Variants in AKAP14 observed in about 807,000 individuals in gnomAD.
The protein encoded by AKAP14 is A-kinase anchoring protein 14.
A neutral mutation model predicts 17.0 loss-of-function variants in AKAP14; 4 were observed. The observed-to-expected ratio is 0.23, with a 90% CI of 0.12 to 0.54. The LOEUF (loss-of-function observed/expected upper bound fraction) is 0.54, where lower values mean the gene tolerates loss of function less well. Among genes scored for constraint, AKAP14 ranks in the 20% least tolerant of loss-of-function variants. The pLI, the probability that AKAP14 is intolerant of heterozygous loss-of-function variation, is 0.95. For synonymous variants in AKAP14, 42 were observed against 51.3 expected, an observed-to-expected ratio of 0.82 and a Z score of 0.77; for missense variants, 129 against 150.9, an observed-to-expected ratio of 0.85 and a Z score of 0.76.
chrX:119,895,995 T>C lies in AKAP14; in HGVS notation c.-124+8T>C, dbSNP rs1021032242. The C allele has an allele frequency of 1.8e-5, 2 of 111,446 alleles. No homozygotes were observed. The highest frequency in any genetic ancestry group is 6.5e-5 in the African/African-American group (2 of 30,687). 9.2% of individuals were successfully genotyped at this position (111,446 alleles called of 1,213,427 possible). On this transcript the variant is annotated splice_region_variant and intron_variant, in intron 1 of 6. Transcript: ENST00000371431. ...CGGCTGAAGAGAAGCTAGGTATAGC[T>C]ACTACAGTTTGGTCCTATTATTGCG...
chrX:119,901,887 C>A (rs182767315), intron 2 of AKAP14, among the ~76,000 whole-genome samples: 1 of 102,146 alleles, frequency 9.8e-6, no homozygotes, highest in South Asian at 4.6e-4. Context: ...CGCATGCCTC[C>A]AATCCCAGCT....
At chrX:119,897,397 G>T (rs1223978660) in intron 2 of AKAP14, among the ~76,000 whole-genome samples, 1 of 101,626 alleles carries the variant, frequency 9.8e-6, no homozygotes, top group Non-Finnish European at 2.0e-5. Context: ...CTGACCTCGT[G>T]ATCCGCCCGC....
intron 5 of AKAP14, among the ~76,000 whole-genome samples, chrX:119,918,377 A>C (rs1469190570): frequency 9.0e-6 from 1 of 111,458 alleles, no homozygotes; most frequent in Non-Finnish European, 1.9e-5. Flanking sequence ...GATTACAGGC[A>C]CATGCCACCA....
At position 119,905,487 on chromosome X, in the gene AKAP14, C is replaced by A. The variant is rs1373867835; in HGVS notation, c.261+1901C>A. Among the ~76,000 whole-genome samples, 14 of 112,343 alleles carry A rather than the reference C, an allele frequency of 1.2e-4. No individual in the cohort carries two copies. The Admixed American group carries it at 1.3e-3, about 11-fold the overall frequency. ...AGTAGGAAAAATTTCCCTTGCAAAT[C>A]CCACTGGTCATTCTGAGTAAAAGGC... On this transcript the variant is annotated intron_variant, in intron 4 of 6. Coordinates refer to ENST00000371431, the MANE Select transcript of AKAP14 (RefSeq NM_178813.6).
At chrX:119,909,536 A>T (rs1210825310) in intron 4 of AKAP14, among the ~76,000 whole-genome samples, 1 of 48,662 alleles carries the variant, frequency 2.1e-5, no homozygotes, top group Non-Finnish European at 3.6e-5. Flanking sequence ...TCAAAAACAT[A>T]AAAAAAAAAA....
chrX:119,913,452 A>G (rs2056639647), intron 4 of AKAP14, among the ~76,000 whole-genome samples: 1 of 112,282 alleles, frequency 8.9e-6, no homozygotes, highest in South Asian at 3.7e-4. Context: ...GTCTGAAGCA[A>G]CATCTGTGTG....
At chrX:119,898,133 A>C (rs1444269735) in intron 2 of AKAP14, among the ~76,000 whole-genome samples, 1 of 111,509 alleles carries the variant, frequency 9.0e-6, no homozygotes, top group East Asian at 2.8e-4. Context: ...ACCGCACTCC[A>C]GCCTGGGTGA....
At chrX:119,903,822 T>A (rs1050638973) in intron 4 of AKAP14, among the ~76,000 whole-genome samples, 1 of 112,090 alleles carries the variant, frequency 8.9e-6, no homozygotes, top group African/African-American at 3.2e-5. Context: ...TAACCTTACA[T>A]TTCCCTGGGA....
intron 5 of AKAP14, among the ~76,000 whole-genome samples, chrX:119,918,025 G>C (rs1424079728): frequency 1.8e-5 from 2 of 111,419 alleles, no homozygotes; most frequent in African/African-American, 6.5e-5. Flanking sequence ...CTCTCACTGT[G>C]CTCTGGCCAT....
chrX:119,896,653 A>G (rs1442481320), intron 2 of AKAP14, among the ~76,000 whole-genome samples: 1 of 111,599 alleles, frequency 9.0e-6, no homozygotes, highest in Admixed American at 9.5e-5. Context: ...GGAAAGTCTT[A>G]AGGAGGTCCT....
intron 4 of AKAP14, among the ~76,000 whole-genome samples, chrX:119,903,997 G>A (rs1253906436): frequency 9.0e-6 from 1 of 111,393 alleles, no homozygotes; most frequent in African/African-American, 3.3e-5. Flanking sequence ...AGGCTGCAGT[G>A]CAGGGGCTCG....
At chrX:119,910,709 C>A (rs1315371363) in intron 4 of AKAP14, among the ~76,000 whole-genome samples, 1 of 111,027 alleles carries the variant, frequency 9.0e-6, no homozygotes, top group East Asian at 2.9e-4. Flanking sequence ...GTTGCCCAGG[C>A]TGGTGTGCAA....
intron 5 of AKAP14, among the ~76,000 whole-genome samples, chrX:119,916,600 T>C (rs1033899542): frequency 9.6e-6 from 1 of 103,765 alleles, no homozygotes. Flanking sequence ...CAAGCCATCC[T>C]CCTGCCTCAG....
chrX:119,919,810 CA>C (rs2056678723), intron 5 of AKAP14, 100 bp from the exon 6 acceptor site: 1 of 910,826 alleles, frequency 1.1e-6, no homozygotes. Flanking sequence ...TGCACCACTG[CA>C]CTTACACCTG....
intron 2 of AKAP14, among the ~76,000 whole-genome samples, chrX:119,896,768 T>C (rs2056529551): frequency 9.0e-6 from 1 of 110,864 alleles, no homozygotes; most frequent in South Asian, 3.7e-4. Flanking sequence ...AGTTACTGAA[T>C]GTCCAAGTTA....
intron 4 of AKAP14, among the ~76,000 whole-genome samples, chrX:119,911,260 G>A (rs779730374): frequency 2.8e-5 from 3 of 107,958 alleles, no homozygotes; most frequent in Non-Finnish European, 3.8e-5. Flanking sequence ...AAGCTGAGGC[G>A]GGAGAATTGT....
At chrX:119,901,826 T>G (rs5957266) in intron 2 of AKAP14, among the ~76,000 whole-genome samples, 21,908 of 107,831 alleles carry the variant, frequency 0.2, 2,101 homozygotes, top group African/African-American at 0.37. Flanking sequence ...CCTGGCCAAC[T>G]TGGAGAAACC....
chrX:119,907,411 G>A (rs1042905019), intron 4 of AKAP14, among the ~76,000 whole-genome samples: 4 of 110,248 alleles, frequency 3.6e-5, no homozygotes, highest in Non-Finnish European at 7.6e-5. Context: ...GATTACAAGC[G>A]TGAGCCACTG....
intron 5 of AKAP14, among the ~76,000 whole-genome samples, chrX:119,915,415 T>C (rs755716357): frequency 1.8e-5 from 2 of 112,472 alleles, no homozygotes; most frequent in Non-Finnish European, 3.8e-5. Context: ...GCCAAAATCC[T>C]TGGTGTCATC....
Sources: gnomAD v4.1 joint callset for allele counts (sites outside exome capture counted in the v4.1 genomes callset) on GRCh38, gnomAD v4.1.1 for gene constraint, MANE v1.5 for transcripts, NCBI Gene and HGNC (gene_info 2026-07-23, HGNC 2026-07-21) for gene names.